CYTH3: variants seen among roughly 807,000 people sequenced by gnomAD.
The protein encoded by CYTH3 is cytohesin-3.
Under a neutral mutation model 55.1 loss-of-function variants are expected in CYTH3, and 23 were observed. That is an observed-to-expected ratio of 0.42 (90% CI 0.30 to 0.59). The LOEUF (loss-of-function observed/expected upper bound fraction) is 0.59. CYTH3 is among the 20% of genes least tolerant of loss of function. CYTH3 has a pLI of 0.20. For synonymous variants in CYTH3, 249 were observed against 194.9 expected (o/e 1.28, Z -2.31); for missense variants, 413 against 524.8 (o/e 0.79, Z 2.08).
chr7:6,201,152 C>T (rs901727491), intron 1 of CYTH3, among the ~76,000 whole-genome samples: 2 of 152,200 alleles, frequency 1.3e-5, no homozygotes, highest in African/African-American at 4.8e-5. Flanking sequence ...CCAGGGGCTG[C>T]GCTCTGCCTC....
chr7:6,226,308 G>A (rs1215270540), intron 1 of CYTH3, among the ~76,000 whole-genome samples: 1 of 152,118 alleles, frequency 6.6e-6, no homozygotes, highest in East Asian at 1.9e-4. Flanking sequence ...ATTCCTTGCT[G>A]GGAAGCCTGA....
rs2128537363 is a variant in CYTH3, at chr7:6,170,645, T to C, written c.713A>G (p.Asn238Ser). The C allele has an allele frequency of 6.2e-7, 1 of 1,612,686 alleles. No homozygotes were observed. Among genetic ancestry groups the C allele is most frequent in the Non-Finnish European group, 8.5e-7 (1 of 1,179,198 alleles). ...GGDLPEELLR[N>S]LYESIKNEPF... ...CTCGTTCTTAATGCTCTCATACAAA[T>C]TCTGCAAGGAGGGAAAACAGCAGCC... The change falls in exon 9 of 13, where the codon AAT becomes AGT. Residue 238 changes from asparagine (N) to serine (S), a missense_variant and splice_region_variant. This residue lies in a region of CYTH3 where 156 missense variants were observed against 233.1 expected (regional missense o/e 0.67). Transcript: ENST00000350796. The surrounding 1 kb of genome is among the most constrained non-coding windows in gnomAD (Gnocchi z 7.8).
rs77962018 is a variant in CYTH3, at chr7:6,175,948, T to C, written c.368+1875A>G. On this transcript the variant is annotated intron_variant, in intron 5 of 12. Transcript: ENST00000350796. ...TGAATTTTCCATAGTAATTTTAGGA[T>C]GTGCAACTTCTGCAAAGAAGTCAGC... 8.3e-4 allele frequency among the ~76,000 whole-genome samples: 127 copies of C among 152,316 alleles called. 2 individuals are homozygous for C. In the East Asian group the frequency reaches 0.024, roughly 29 times the overall value.
intron 1 of CYTH3, among the ~76,000 whole-genome samples, chr7:6,269,941 C>G (rs1042348071): frequency 6.6e-6 from 1 of 152,186 alleles, no homozygotes; most frequent in Admixed American, 6.5e-5. Flanking sequence ...TTTACCCTAT[C>G]TTTTAAACAA....
intron 1 of CYTH3, among the ~76,000 whole-genome samples, chr7:6,194,888 T>C (rs1783889102): frequency 6.6e-6 from 1 of 151,884 alleles, no homozygotes; most frequent in South Asian, 2.1e-4. Flanking sequence ...GGCGGGAGAA[T>C]CACTTGAACC....
At chr7:6,190,571 C>T (rs139532119) in intron 1 of CYTH3, 40 bp from the exon 2 acceptor site, 25,633 of 1,456,858 alleles carry the variant, frequency 0.018, 311 homozygotes, top group Middle Eastern at 0.072. Flanking sequence ...TTGGAGAACA[C>T]ATTGGCAACA....
At chr7:6,172,977 A>G in intron 6 of CYTH3, 18 of 1,114,690 alleles carry the variant, frequency 1.6e-5, no homozygotes, top group Non-Finnish European at 2.0e-5. Context: ...AGATTTGAGA[A>G]GATGACGAGG....
intron 1 of CYTH3, among the ~76,000 whole-genome samples, chr7:6,216,707 C>T (rs1784434282): frequency 6.6e-6 from 1 of 151,992 alleles, no homozygotes; most frequent in Non-Finnish European, 1.5e-5. Context: ...CACTACTGCA[C>T]TCCAATCTGG....
chr7:6,214,033 A>G (rs889696782), intron 1 of CYTH3, among the ~76,000 whole-genome samples: 1 of 152,198 alleles, frequency 6.6e-6, no homozygotes, highest in African/African-American at 2.4e-5. Context: ...CTCAGAAGAC[A>G]TATTTTGATT....
At chr7:6,226,013 A>T (rs1325596643) in intron 1 of CYTH3, among the ~76,000 whole-genome samples, 2 of 152,192 alleles carry the variant, frequency 1.3e-5, no homozygotes, top group Non-Finnish European at 2.9e-5. Flanking sequence ...CAAACAAAAA[A>T]ATTTTTGTCT....
chr7:6,245,296 T>G (rs941646427), intron 1 of CYTH3, among the ~76,000 whole-genome samples: 2 of 152,072 alleles, frequency 1.3e-5, no homozygotes, highest in Non-Finnish European at 2.9e-5. Flanking sequence ...TAGTGACTTC[T>G]TTTTCATTCT....
At chr7:6,216,988 C>A (rs1334097525) in intron 1 of CYTH3, among the ~76,000 whole-genome samples, 1 of 151,864 alleles carries the variant, frequency 6.6e-6, no homozygotes, top group Non-Finnish European at 1.5e-5. Flanking sequence ...TCTCCGCTCA[C>A]TGCAACCTCT....
intron 1 of CYTH3, among the ~76,000 whole-genome samples, chr7:6,261,880 G>A (rs1021274535): frequency 1.3e-5 from 2 of 151,922 alleles, no homozygotes; most frequent in African/African-American, 2.4e-5. Context: ...GAAAACCAAG[G>A]ATAAAACAGA....
intron 9 of CYTH3, among the ~76,000 whole-genome samples, chr7:6,166,022 C>T (rs1782992030): frequency 6.6e-6 from 1 of 152,190 alleles, no homozygotes; most frequent in Non-Finnish European, 1.5e-5. Flanking sequence ...ACTGATGGGC[C>T]CCTTGATGAC....
At chr7:6,186,967 T>C (rs1783670796) in intron 4 of CYTH3, 83 bp downstream of exon 4, 1 of 1,418,904 alleles carries the variant, frequency 7.0e-7, no homozygotes, top group Non-Finnish European at 1.0e-6. Flanking sequence ...GGACCACCTC[T>C]GACCTCTGTC....
chr7:6,184,760 T>G (rs1319686695), intron 4 of CYTH3, among the ~76,000 whole-genome samples: 1 of 152,064 alleles, frequency 6.6e-6, no homozygotes, highest in Non-Finnish European at 1.5e-5. Flanking sequence ...GTATTTTTAG[T>G]AGAGATGGAG....
intron 1 of CYTH3, among the ~76,000 whole-genome samples, chr7:6,193,645 C>G (rs889778166): frequency 1.3e-5 from 2 of 152,178 alleles, no homozygotes; most frequent in Non-Finnish European, 2.9e-5. Flanking sequence ...CTACGTAACT[C>G]TGGAGGGGGC....
intron 2 of CYTH3, among the ~76,000 whole-genome samples, chr7:6,188,208 C>G (rs1207339580): frequency 6.6e-6 from 1 of 152,010 alleles, no homozygotes; most frequent in Non-Finnish European, 1.5e-5. Flanking sequence ...TGGTACATGC[C>G]TGTAGTCCTA....
chr7:6,173,305 T>C (rs1783251207), intron 6 of CYTH3, among the ~76,000 whole-genome samples: 1 of 152,012 alleles, frequency 6.6e-6, no homozygotes, highest in Non-Finnish European at 1.5e-5. Context: ...GGGTCAAGTG[T>C]GGAAGGAAGT....
Sources: gnomAD v4.1 joint callset for allele counts (sites outside exome capture counted in the v4.1 genomes callset) on GRCh38, gnomAD v4.1.1 for gene constraint, gnomAD v4.1.1 regional missense constraint, Gnocchi (gnomAD v3.1) non-coding constraint, MANE v1.5 for transcripts, NCBI Gene and HGNC (gene_info 2026-07-23, HGNC 2026-07-21) for gene names.